PC: variants seen among roughly 807,000 people sequenced by gnomAD.
The protein encoded by PC is pyruvate carboxylase, mitochondrial.
PC carries 46 observed loss-of-function variants against 107.8 expected under a neutral mutation model. The observed-to-expected ratio is 0.43, with a 90% CI of 0.34 to 0.55. PC has a LOEUF of 0.55. Ranked by LOEUF, PC falls within the 20% of genes least tolerant of loss-of-function variation. The probability of loss-of-function intolerance (pLI) is 0.04; values close to 1 mark genes in which losing one functional copy is unlikely to be tolerated. For missense variants in PC, 1,241 were observed against 1,643.1 expected (o/e 0.76, Z 4.23); for synonymous variants, 662 against 684.7 (o/e 0.97, Z 0.52).
At chr11:66,864,213 G>C (rs942953727) in intron 11 of PC, among the ~76,000 whole-genome samples, 2 of 152,380 alleles carry the variant, frequency 1.3e-5, no homozygotes, top group South Asian at 2.1e-4. Context: ...AGAGGAGGAA[G>C]GGAATGCCTG....
intron 3 of PC, among the ~76,000 whole-genome samples, chr11:66,882,899 C>G (rs891206624): frequency 6.6e-6 from 1 of 152,192 alleles, no homozygotes; most frequent in Non-Finnish European, 1.5e-5. Context: ...CAAGAGAGGA[C>G]AGACTGAGGC....
At chr11:66,943,960 G>A (rs1164301154) in intron 3 of PC, among the ~76,000 whole-genome samples, 11 of 125,734 alleles carry the variant, frequency 8.7e-5, no homozygotes, top group East Asian at 2.3e-4. Context: ...TGATAATAGC[G>A]AAACTGTCTC....
intron 3 of PC, among the ~76,000 whole-genome samples, chr11:66,894,256 A>G (rs1947672231): frequency 6.6e-6 from 1 of 151,700 alleles, no homozygotes; most frequent in African/African-American, 2.4e-5. Context: ...TTGTCCCCCC[A>G]TGCCCCAGCC....
chr11:66,892,255 G>A (rs1156722208), intron 3 of PC, among the ~76,000 whole-genome samples: 1 of 152,200 alleles, frequency 6.6e-6, no homozygotes, highest in Admixed American at 6.5e-5. Context: ...GAGTGCCTAA[G>A]AGTTCTGGGA....
Position 66,858,431 on chromosome 11 carries a change from G to C in PC, c.1369-5048C>G. ...AGGCCTCTCCCGCCCCCCTGGTGCT[G>C]AGCTTTAGCGGGAACCCCCTGCACT... On this transcript the variant is annotated intron_variant, in intron 12 of 22. Coordinates refer to ENST00000393960, the MANE Select transcript of PC (RefSeq NM_001040716.2). This position sits in a 1 kb window ranked among gnomAD's most constrained non-coding sequence, Gnocchi z 5.9. 6.4e-7 allele frequency: 1 copy of C among 1,553,342 alleles called. No individual in the cohort carries two copies. Among genetic ancestry groups the C allele is most frequent in the Non-Finnish European group, 8.7e-7 (1 of 1,155,590 alleles).
intron 3 of PC, among the ~76,000 whole-genome samples, chr11:66,914,347 A>G (rs931580017): frequency 2.6e-5 from 4 of 152,120 alleles, no homozygotes; most frequent in Non-Finnish European, 5.9e-5. Context: ...CCCCGTCTCT[A>G]CTAAAAATAC....
At chr11:66,936,468 T>C (rs967041473) in intron 3 of PC, among the ~76,000 whole-genome samples, 1 of 152,172 alleles carries the variant, frequency 6.6e-6, no homozygotes, top group African/African-American at 2.4e-5. Flanking sequence ...ATATTGTTAT[T>C]GGCAATTGCT....
In PC at chr11:66,865,892, C is replaced by T. The variant is rs1591175954; in HGVS notation, c.1185+295G>A. On this transcript the variant is annotated intron_variant, in intron 11 of 22. Coordinates refer to ENST00000393960, the MANE Select transcript of PC (RefSeq NM_001040716.2). ...GGGGCTCCTGTGGGAGCTGGAGGGTCAGGGGCTGGCTTTGTGTCTGGGTCC... is the reference window on the plus strand; with the variant it reads ...GGGGCTCCTGTGGGAGCTGGAGGGTTAGGGGCTGGCTTTGTGTCTGGGTCC... Among the ~76,000 whole-genome samples the T allele has an allele frequency of 2.6e-5, 4 of 152,248 alleles. No individual in the cohort carries two copies. The South Asian group carries it at 8.3e-4, about 32-fold the overall frequency.
At chr11:66,875,106 A>C (rs1946922470) in intron 3 of PC, among the ~76,000 whole-genome samples, 2 of 152,282 alleles carry the variant, frequency 1.3e-5, no homozygotes, top group Admixed American at 1.3e-4. Context: ...TGGACAGGAC[A>C]GGAGGGACAT....
At chr11:66,918,849 A>G (rs142164073) in intron 3 of PC, among the ~76,000 whole-genome samples, 25 of 152,272 alleles carry the variant, frequency 1.6e-4, no homozygotes, top group Non-Finnish European at 1.6e-4. Context: ...AGCCCAGTGA[A>G]GAAGGCCCAG....
chr11:66,927,832 G>A (rs1948756224), intron 3 of PC, among the ~76,000 whole-genome samples: 1 of 152,092 alleles, frequency 6.6e-6, no homozygotes, highest in Non-Finnish European at 1.5e-5. Flanking sequence ...GGGTAGTAAG[G>A]AAGCCTGGAG....
At chr11:66,860,278 C>T (rs1324537464) in intron 12 of PC, 4 of 1,521,512 alleles carry the variant, frequency 2.6e-6, no homozygotes, top group East Asian at 2.4e-5. Context: ...CTGGGAGTCC[C>T]TCCCTGGTTT....
At chr11:66,887,064 G>A (rs1215276891) in intron 3 of PC, among the ~76,000 whole-genome samples, 2 of 152,172 alleles carry the variant, frequency 1.3e-5, no homozygotes, top group African/African-American at 4.8e-5. Flanking sequence ...AGGTCCTCTC[G>A]GCTCCACAGA....
intron 3 of PC, among the ~76,000 whole-genome samples, chr11:66,873,536 ATTATATATAATAT>A (rs1946862528): frequency 2.0e-5 from 2 of 100,148 alleles, no homozygotes; most frequent in African/African-American, 8.1e-5. Flanking sequence ...TATAATATAT[ATTATATATAATAT>A]TATAATATTA....
rs200660481 is a variant in PC, at chr11:66,853,229, C to T, written c.1513+10G>A. 188 of 1,613,212 alleles carry T rather than the reference C, an allele frequency of 1.2e-4. No homozygotes were observed. Among genetic ancestry groups the T allele is most frequent in the East Asian group, 1.1e-3 (50 of 44,856 alleles). Reference sequence around the variant, plus strand: ...AGGGGAGGGCAGGGCAGGGCAGTCTCGGGCCAGACCGAGGTAGTGCAACAG... The same window carrying T: ...AGGGGAGGGCAGGGCAGGGCAGTCTTGGGCCAGACCGAGGTAGTGCAACAG... On this transcript the variant is annotated intron_variant, in intron 13 of 22. Transcript: ENST00000393960.
At chr11:66,880,836 G>A (rs2135980616) in intron 3 of PC, among the ~76,000 whole-genome samples, 1 of 152,378 alleles carries the variant, frequency 6.6e-6, no homozygotes, top group African/African-American at 2.4e-5. Flanking sequence ...TATTTGGTTG[G>A]TGGATGGCAA....
intron 12 of PC, 31 bp downstream of exon 12, chr11:66,863,743 G>A: frequency 6.3e-7 from 1 of 1,593,750 alleles, no homozygotes; most frequent in African/African-American, 1.3e-5. Context: ...AGGGCCGGGA[G>A]CAAAGGCAGG....
chr11:66,866,249 G>A lies in PC; in HGVS notation c.1123C>T (p.Gln375Ter), dbSNP rs1310884700. The change falls in exon 11 of 23, where the codon CAG becomes TAG. Residue 375 changes from glutamine (Q) to a stop codon, truncating the protein, a stop_gained. Transcript: ENST00000393960. LOFTEE classifies it high-confidence loss of function. This position sits in a 1 kb window ranked among gnomAD's most constrained non-coding sequence, Gnocchi z 5.4. The stretch of plus-strand genomic sequence containing the variant: ...GGGTCCTCGGTGGTGACCCGGCACT[G>A]GATGGCACACCCGTTGATGCGGATG... ...ENIRINGCAI[Q>*]CRVTTEDPAR... The A allele has an allele frequency of 6.2e-7, 1 of 1,612,906 alleles. No individual in the cohort carries two copies. The highest frequency in any genetic ancestry group is 8.5e-7 in the Non-Finnish European group (1 of 1,179,866).
At chr11:66,916,629 A>G (rs1948469123) in intron 3 of PC, among the ~76,000 whole-genome samples, 1 of 152,182 alleles carries the variant, frequency 6.6e-6, no homozygotes, top group African/African-American at 2.4e-5. Context: ...GGAAGGGAGA[A>G]AAGCATGACA....
Sources: allele counts gnomAD v4.1 joint callset (sites outside exome capture counted in the v4.1 genomes callset), GRCh38; gene constraint gnomAD v4.1.1; non-coding constraint Gnocchi (gnomAD v3.1); transcripts MANE v1.5; gene names NCBI Gene and HGNC (gene_info 2026-07-23, HGNC 2026-07-21).